CFAP46: variants seen among roughly 807,000 people sequenced by gnomAD.
The protein encoded by CFAP46 is cilia- and flagella-associated protein 46.
Under a neutral mutation model 325.7 loss-of-function variants are expected in CFAP46, and 245 were observed. That is an observed-to-expected ratio of 0.75 (90% CI 0.68 to 0.84). CFAP46 has a LOEUF of 0.84. Ranked by LOEUF, CFAP46 falls within the 40% of genes least tolerant of loss-of-function variation. CFAP46 has a pLI of 0.00. For missense variants in CFAP46, 3,346 were observed against 3,543.0 expected, an observed-to-expected ratio of 0.94 and a Z score of 1.41; for synonymous variants, 1,523 against 1,495.9, an observed-to-expected ratio of 1.02 and a Z score of -0.42.
At chr10:132,820,474 GTGAGTGCTGA>G (rs1847772660) in intron 50 of CFAP46, among the ~76,000 whole-genome samples, 1 of 150,308 alleles carries the variant, frequency 6.7e-6, no homozygotes, top group African/African-American at 2.5e-5. Context: ...GATGTGTGCT[GTGAGTGCTGA>G]TGTGTGCTGA....
At position 132,889,297 on chromosome 10, in the gene CFAP46, C is replaced by T. The variant is rs1212737782; in HGVS notation, c.3304+3036G>A. ...GACTCATTTTTCATGAGACTGCATT[C>T]TCCAGAGCCGACCGGCTGGGTCTAG... On this transcript the variant is annotated intron_variant, in intron 25 of 57. Coordinates refer to ENST00000368586, the MANE Select transcript of CFAP46 (RefSeq NM_001200049.3). This position sits in a 1 kb window ranked among gnomAD's most constrained non-coding sequence, Gnocchi z 6.0. 6.6e-6 allele frequency among the ~76,000 whole-genome samples: 1 copy of T among 152,184 alleles called. No homozygotes were observed. Among genetic ancestry groups the T allele is most frequent in the African/African-American group, 2.4e-5 (1 of 41,430 alleles).
chr10:132,858,077 T>C (rs1030225756), intron 38 of CFAP46, among the ~76,000 whole-genome samples: 2 of 152,244 alleles, frequency 1.3e-5, no homozygotes, highest in Admixed American at 6.5e-5. Context: ...ATCAGCTAAC[T>C]GAACTTCTGC....
chr10:132,868,241 T>A (rs1274116009), intron 33 of CFAP46, among the ~76,000 whole-genome samples: 1 of 151,818 alleles, frequency 6.6e-6, no homozygotes, highest in Non-Finnish European at 1.5e-5. Flanking sequence ...CCACCCCACA[T>A]CGCGTTGGCC....
At chr10:132,931,370 C>T (rs1365144131) in intron 8 of CFAP46, among the ~76,000 whole-genome samples, 1 of 147,046 alleles carries the variant, frequency 6.8e-6, no homozygotes, top group Non-Finnish European at 1.5e-5. Flanking sequence ...GGCTTTCCTC[C>T]TCCCCACACA....
At position 132,910,046 on chromosome 10, in the gene CFAP46, A is replaced by C. The variant is rs779903440; in HGVS notation, c.2522T>G (p.Leu841Arg). ...AVEVCEFALN[L>R]TNGSAPEETV... ...CTCCTCGGGCGCACTCCCATTGGTCAGGTTCAGGGCAAACTCGCAGACCTA... is the reference window on the plus strand; with the variant it reads ...CTCCTCGGGCGCACTCCCATTGGTCCGGTTCAGGGCAAACTCGCAGACCTA... Residue 841 changes from leucine (L) to arginine (R), a missense_variant, in exon 20 of 58, where the codon CTG (leucine) becomes CGG (arginine). Physicochemically the swap from Leu to Arg is moderately radical, Grantham distance 102. Transcript: ENST00000368586. 7.7e-5 allele frequency: 117 copies of C among 1,516,922 alleles called. No individual in the cohort carries two copies. Among genetic ancestry groups the C allele is most frequent in the Non-Finnish European group, 9.7e-5 (110 of 1,133,294 alleles). The allele number at this position is 1,516,922 out of a possible 1,614,324, so 94.0% of individuals were successfully genotyped here. A position where few individuals can be genotyped will look rare whatever the true frequency, so the allele number is the denominator to read the frequency against.
In CFAP46 at chr10:132,918,429, C is replaced by T; in HGVS notation, c.1950G>A (p.Leu650=). 6.5e-7 allele frequency: 1 copy of T among 1,549,500 alleles called. No individual in the cohort carries two copies. The highest frequency in any genetic ancestry group is 8.7e-7 in the Non-Finnish European group (1 of 1,146,232). The change falls in exon 16 of 58, where the codon CTG becomes CTA. Residue 650 remains leucine (L), a synonymous_variant. Transcript: ENST00000368586. ...VLQRQVCPDL[L]RKFAEVGFIH... is the part of the protein sequence containing the mutation. The stretch of plus-strand genomic sequence containing the variant: ...TGAACCCCACCTCCGCGAACTTCCG[C>T]AGCAGGTCGGGGCACACCTGCCTCT...
chr10:132,853,846 T>A (rs1042119787), intron 39 of CFAP46, among the ~76,000 whole-genome samples: 1 of 152,218 alleles, frequency 6.6e-6, no homozygotes, highest in Non-Finnish European at 1.5e-5. Context: ...ATCTGTAGAA[T>A]CCATGGAGAA....
rs1310069129 is a variant in CFAP46 at position 132,910,030 on chromosome 10, C to A, written c.2538G>T (p.Ala846=). Residue 846 remains alanine, a synonymous_variant, in exon 20 of 58, where the codon GCG becomes GCT. Transcript: ENST00000368586. The part of the protein sequence containing the change: ...EFALNLTNGS[A]PEETVPTGTR... ...TGCCGGTGGGCACCGTCTCCTCGGGCGCACTCCCATTGGTCAGGTTCAGGG... is the reference window on the plus strand; with the variant it reads ...TGCCGGTGGGCACCGTCTCCTCGGGAGCACTCCCATTGGTCAGGTTCAGGG... 2 of 1,535,732 alleles carry A rather than the reference C, an allele frequency of 1.3e-6. No individual in the cohort carries two copies. Among genetic ancestry groups the A allele is most frequent in the Non-Finnish European group, 8.8e-7 (1 of 1,140,794 alleles).
intron 50 of CFAP46, among the ~76,000 whole-genome samples, chr10:132,821,823 GTC>G (rs1847842282): frequency 2.1e-5 from 3 of 140,852 alleles, no homozygotes; most frequent in Non-Finnish European, 3.0e-5. Context: ...GATGTGTGCT[GTC>G]TGTGCGCTGT....
Position 132,847,481 on chromosome 10 carries a change from T to A in CFAP46, c.5953-160A>T, listed in dbSNP as rs557456602. On this transcript the variant is annotated intron_variant, in intron 41 of 57. Coordinates refer to ENST00000368586, the MANE Select transcript of CFAP46 (RefSeq NM_001200049.3). The surrounding 1 kb of genome is among the most constrained non-coding windows in gnomAD (Gnocchi z 5.2). ...CATGGCCTCTCACTATCCCAAACCC[T>A]CCATCCCTGAGTTGATGCAGGGTGG... is the stretch of plus-strand genomic sequence containing the variant. 7.9e-5 allele frequency among the ~76,000 whole-genome samples: 12 copies of A among 152,010 alleles called. No individual in the cohort carries two copies. The highest frequency in any genetic ancestry group is 1.3e-4 in the Admixed American group (2 of 15,284).
At chr10:132,932,006 CCA>C (rs1253173627) in intron 8 of CFAP46, among the ~76,000 whole-genome samples, 1 of 139,408 alleles carries the variant, frequency 7.2e-6, no homozygotes, top group African/African-American at 2.7e-5. Flanking sequence ...CCCACACTCC[CCA>C]CACAGAGGCT....
intron 44 of CFAP46, among the ~76,000 whole-genome samples, chr10:132,839,408 C>T (rs1049225403): frequency 2.0e-5 from 3 of 152,228 alleles, no homozygotes; most frequent in African/African-American, 4.8e-5. Context: ...CTTCGTGAAC[C>T]CTCGGCCACA....
At chr10:132,897,995 C>CT (rs5789146) in intron 24 of CFAP46, among the ~76,000 whole-genome samples, 1 of 151,880 alleles carries the variant, frequency 6.6e-6, no homozygotes, top group South Asian at 2.1e-4. Context: ...GCCCCACTCC[C>CT]GTCCTCCTCC....
chr10:132,864,954 T>C (rs1169849893), intron 35 of CFAP46, among the ~76,000 whole-genome samples: 2 of 125,946 alleles, frequency 1.6e-5, no homozygotes, highest in African/African-American at 3.5e-5. Context: ...GACCTGCACA[T>C]ACCTGTCCTC....
intron 27 of CFAP46, 22 bp downstream of exon 27, chr10:132,885,081 A>C (rs1849101765): frequency 6.5e-7 from 1 of 1,532,128 alleles, no homozygotes. Flanking sequence ...TACCACGTGC[A>C]CCCACGCTTA....
intron 13 of CFAP46, 108 bp from the exon 14 acceptor site, chr10:132,920,290 G>A: frequency 2.2e-6 from 3 of 1,352,196 alleles, no homozygotes; most frequent in South Asian, 1.6e-5. Flanking sequence ...CCACCCACAG[G>A]TAGCGGCTCC....
In CFAP46 at chr10:132,908,330, C is replaced by T. The variant is rs370650587; in HGVS notation, c.2924+138G>A. On this transcript the variant is annotated intron_variant, in intron 22 of 57. Coordinates refer to ENST00000368586, the MANE Select transcript of CFAP46 (RefSeq NM_001200049.3). ...GCTCACACGCGCCCTGATCTGTGAT[C>T]GCGGCCCAGGCCCGCGCTCCCTGCC... The T allele has an allele frequency of 2.6e-4, 268 of 1,021,148 alleles. No homozygotes were observed. The African/African-American group carries it at 3.9e-3, about 15-fold the overall frequency. The allele number at this position is 1,021,148 out of a possible 1,614,324, so 63.3% of individuals were successfully genotyped here. A position where few individuals can be genotyped will look rare whatever the true frequency, so the allele number is the denominator to read the frequency against.
In CFAP46 at chr10:132,847,273, C is replaced by T. The variant is rs1302147972; in HGVS notation, c.6001G>A (p.Glu2001Lys). The change falls in exon 42 of 58, where the codon GAA (glutamate) becomes AAA (lysine). Residue 2001 changes from glutamate (E) to lysine (K), a missense_variant. Coordinates refer to ENST00000368586, the MANE Select transcript of CFAP46 (RefSeq NM_001200049.3). This position sits in a 1 kb window ranked among gnomAD's most constrained non-coding sequence, Gnocchi z 5.2. The part of the protein sequence containing the change: ...GLKSLELEVE[E>K]EGATKSSRDP... ...CTGCTGGACTTTGTGGCACCCTCTT[C>T]CTCTACCTCCAGCTCCAGAGACTTG... 2 of 1,613,418 alleles carry T rather than the reference C, an allele frequency of 1.2e-6. No individual in the cohort carries two copies. The highest frequency in any genetic ancestry group is 1.3e-5 in the African/African-American group (1 of 74,906).
chr10:132,929,952 G>A (rs1370572847), intron 8 of CFAP46, 148 bp from the exon 9 acceptor site: 11 of 647,004 alleles, frequency 1.7e-5, no homozygotes, highest in African/African-American at 5.5e-5. Flanking sequence ...TAGAACAGAA[G>A]CCCTGTGGGG....
Sources: gnomAD v4.1 joint callset for allele counts (sites outside exome capture counted in the v4.1 genomes callset) on GRCh38, gnomAD v4.1.1 for gene constraint, Gnocchi (gnomAD v3.1) non-coding constraint, MANE v1.5 for transcripts, NCBI Gene and HGNC (gene_info 2026-07-23, HGNC 2026-07-21) for gene names.